SH3PXD2B: variants seen among roughly 807,000 people sequenced by gnomAD.
The protein encoded by SH3PXD2B is SH3 and PX domain-containing protein 2B.
A neutral mutation model predicts 73.1 loss-of-function variants in SH3PXD2B; 37 were observed. The observed-to-expected ratio is 0.51, with a 90% confidence interval of 0.39 to 0.67. SH3PXD2B has a LOEUF of 0.67. Ranked by LOEUF, SH3PXD2B falls within the 30% of genes least tolerant of loss-of-function variation. The probability of loss-of-function intolerance (pLI) is 0.00; values close to 1 mark genes in which losing one functional copy is unlikely to be tolerated. For synonymous variants in SH3PXD2B, 457 were observed against 480.5 expected, an observed-to-expected ratio of 0.95 and a Z score of 0.64; for missense variants, 1,053 against 1,197.8, an observed-to-expected ratio of 0.88 and a Z score of 1.78.
chr5:172,439,308 C>G (rs1759487528), intron 1 of SH3PXD2B, among the ~76,000 whole-genome samples: 1 of 143,488 alleles, frequency 7.0e-6, no homozygotes. Flanking sequence ...AAAAAAACCA[C>G]AGGCATCGGC....
At chr5:172,376,741 T>C (rs1002718066) in intron 5 of SH3PXD2B, among the ~76,000 whole-genome samples, 3 of 152,232 alleles carry the variant, frequency 2.0e-5, no homozygotes, top group African/African-American at 7.2e-5. Context: ...TCACCTTCAC[T>C]GGCACTCACT....
At chr5:172,411,673 G>A (rs1054545402) in intron 2 of SH3PXD2B, among the ~76,000 whole-genome samples, 1 of 152,126 alleles carries the variant, frequency 6.6e-6, no homozygotes, top group Admixed American at 6.5e-5. Flanking sequence ...AGTGCTATGT[G>A]GAAACTCTGG....
intron 3 of SH3PXD2B, among the ~76,000 whole-genome samples, chr5:172,395,784 T>A (rs1392557146): frequency 3.9e-5 from 5 of 128,422 alleles, no homozygotes; most frequent in Admixed American, 3.4e-4. Flanking sequence ...GAGATGGAGA[T>A]AAGCCTCTAC....
rs140209484 is a variant in SH3PXD2B at position 172,339,707 on chromosome 5, G to C, written c.1398C>G (p.Pro466=). Residue 466 remains proline (P), a synonymous_variant, in exon 13 of 13, where the codon CCC becomes CCG. Transcript: ENST00000311601. This position sits in a 1 kb window ranked among gnomAD's most constrained non-coding sequence, Gnocchi z 6.1. ...ENNTGSEATG[P]SRPLPDAPHG... ...GCGGTGCGTCAGGCAGGGGCCGGGA[G>C]GGGCCCGTGGCTTCGCTGCCCGTGT... 38 of 1,614,240 alleles carry C rather than the reference G, an allele frequency of 2.4e-5. 1 individual carries two copies. The South Asian group carries it at 4.0e-4, about 17-fold the overall frequency.
At chr5:172,446,154 C>A (rs1759653938) in intron 1 of SH3PXD2B, among the ~76,000 whole-genome samples, 1 of 152,170 alleles carries the variant, frequency 6.6e-6, no homozygotes, top group African/African-American at 2.4e-5. Context: ...GGGCATTACC[C>A]AGGCCAGCAG....
intron 5 of SH3PXD2B, among the ~76,000 whole-genome samples, chr5:172,374,393 C>G (rs1162533826): frequency 6.6e-6 from 1 of 152,102 alleles, no homozygotes; most frequent in Non-Finnish European, 1.5e-5. Context: ...ATAAATGCAA[C>G]TGTATCGGCC....
In SH3PXD2B at chr5:172,337,507, AG is replaced by A. The variant is rs775065482; in HGVS notation, c.*861del. The A allele has an allele frequency of 4.5e-5, 44 of 985,424 alleles. No homozygotes were observed. The highest frequency in any genetic ancestry group is 1.2e-4 in the Admixed American group (2 of 16,270). The allele number at this position is 985,424 out of a possible 1,614,324, so 61.0% of individuals were successfully genotyped here. A position where few individuals can be genotyped will look rare whatever the true frequency, so the allele number is the denominator to read the frequency against. ...TTGGCACCCACGAGGCACTCAGCAAAGGGGTGCTCACAAGGGCACGACTTGT... is the reference window on the plus strand; with the variant it reads ...TTGGCACCCACGAGGCACTCAGCAAAGGGTGCTCACAAGGGCACGACTTGT... On this transcript the variant is annotated 3_prime_UTR_variant, in exon 13 of 13. Transcript: ENST00000311601.
chr5:172,454,139 C>CCA, intron 1 of SH3PXD2B, 139 bp downstream of exon 1: 1 of 563,558 alleles, frequency 1.8e-6, no homozygotes, highest in Non-Finnish European at 2.8e-6. Context: ...ACCCGGGCAG[C>CCA]GCCGCCGCAG....
intron 7 of SH3PXD2B, among the ~76,000 whole-genome samples, chr5:172,361,631 T>G (rs1318540434): frequency 6.6e-6 from 1 of 152,200 alleles, no homozygotes; most frequent in African/African-American, 2.4e-5. Context: ...TCTCAGGAAC[T>G]GGAAAGTCAC....
intron 2 of SH3PXD2B, among the ~76,000 whole-genome samples, chr5:172,413,242 G>C (rs554204031): frequency 1.9e-4 from 29 of 152,346 alleles, no homozygotes; most frequent in African/African-American, 6.5e-4. Flanking sequence ...TGAACACAAC[G>C]GTGTCCCTGG....
intron 12 of SH3PXD2B, among the ~76,000 whole-genome samples, chr5:172,341,298 C>A (rs1756843467): frequency 6.6e-6 from 1 of 152,066 alleles, no homozygotes; most frequent in Non-Finnish European, 1.5e-5. Context: ...GATGTATGTC[C>A]CCACCCAAGT....
At chr5:172,409,336 C>CAA (rs201396622) in intron 2 of SH3PXD2B, among the ~76,000 whole-genome samples, 2,289 of 152,178 alleles carry the variant, frequency 0.015, 54 homozygotes, top group African/African-American at 0.052. Context: ...GAGCCGAGAC[C>CAA]GCGCCATTGC....
In SH3PXD2B at chr5:172,335,828, C is replaced by T. The variant is rs1756677616; in HGVS notation, c.*2541G>A. On this transcript the variant is annotated 3_prime_UTR_variant, in exon 13 of 13. Coordinates refer to ENST00000311601, the MANE Select transcript of SH3PXD2B (RefSeq NM_001017995.3). The stretch of plus-strand genomic sequence containing the variant: ...CCATTGTAGGAAAAGGAGCTGGATA[C>T]AGACGTCCTCAGGCCATAGATATGA... 3 of 1,228,820 alleles carry T rather than the reference C, an allele frequency of 2.4e-6. 1 individual carries two copies. The highest frequency in any genetic ancestry group is 6.3e-5 in the East Asian group (2 of 31,552). 76.1% of individuals were successfully genotyped at this position (1,228,820 alleles called of 1,614,324 possible).
Position 172,346,152 on chromosome 5 carries a change from G to T in SH3PXD2B, c.1172C>A (p.Ala391Glu). 6.2e-7 allele frequency: 1 copy of T among 1,614,172 alleles called. No individual in the cohort carries two copies. The highest frequency in any genetic ancestry group is 8.5e-7 in the Non-Finnish European group (1 of 1,180,032). Residue 391 changes from alanine (A) to glutamate (E), a missense_variant, in exon 12 of 13, where the codon GCA becomes GAA. Transcript: ENST00000311601. ...TTIPDGISFQAGLKVEVIEKN... is the reference protein window; with the variant it reads ...TTIPDGISFQEGLKVEVIEKN... ...GCCACTCACCTCGACCTTCAGGCCT[G>T]CCTGGAAGCTGATGCCGTCTGGGAT...
At chr5:172,360,167 T>C (rs549763703) in intron 7 of SH3PXD2B, among the ~76,000 whole-genome samples, 1 of 152,358 alleles carries the variant, frequency 6.6e-6, no homozygotes, top group Admixed American at 6.5e-5. Context: ...TACGATTTTC[T>C]AAATATTTGT....
chr5:172,416,696 CTTTTTTT>C (rs202242720), intron 2 of SH3PXD2B, among the ~76,000 whole-genome samples: 5 of 62,260 alleles, frequency 8.0e-5, no homozygotes, highest in African/African-American at 2.4e-4. Context: ...CTCTCTCTCT[CTTTTTTT>C]TTTTTTTTTT....
chr5:172,419,707 C>CG (rs1397383351), intron 2 of SH3PXD2B, among the ~76,000 whole-genome samples: 2 of 152,150 alleles, frequency 1.3e-5, no homozygotes, highest in Non-Finnish European at 2.9e-5. Flanking sequence ...ATATATCCAA[C>CG]CCCACCCCTC....
intron 1 of SH3PXD2B, among the ~76,000 whole-genome samples, chr5:172,425,621 T>C (rs961187313): frequency 6.6e-6 from 1 of 150,458 alleles, no homozygotes; most frequent in African/African-American, 2.5e-5. Context: ...AGGAAGGGGC[T>C]GAGCGGGGGA....
chr5:172,352,757 T>C (rs141242718), intron 9 of SH3PXD2B, among the ~76,000 whole-genome samples: 1 of 152,210 alleles, frequency 6.6e-6, no homozygotes, highest in Non-Finnish European at 1.5e-5. Context: ...GCCGATGCTA[T>C]GTAAGAAATG....
Sources: gnomAD v4.1 joint callset for allele counts (sites outside exome capture counted in the v4.1 genomes callset) on GRCh38, gnomAD v4.1.1 for gene constraint, Gnocchi (gnomAD v3.1) non-coding constraint, MANE v1.5 for transcripts, NCBI Gene and HGNC (gene_info 2026-07-23, HGNC 2026-07-21) for gene names.